Variants in CDH9 observed in about 807,000 individuals in gnomAD.
The protein encoded by CDH9 is cadherin 9, also known as cadherin-9.
Under a neutral mutation model 70.9 loss-of-function variants are expected in CDH9, and 28 were observed. The ratio of observed to expected loss-of-function variants is 0.40; its 90% CI spans 0.29 to 0.54. The LOEUF is 0.54. Among genes scored for constraint, CDH9 ranks in the 20% least tolerant of loss-of-function variants. The probability of loss-of-function intolerance (pLI) is 0.59; values close to 1 mark genes in which losing one functional copy is unlikely to be tolerated. For missense variants in CDH9, 874 were observed against 984.4 expected (o/e 0.89, Z 1.50); for synonymous variants, 409 against 343.1 (o/e 1.19, Z -2.12).
At chr5:26,911,710 A>T (rs1161838143) in intron 3 of CDH9, among the ~76,000 whole-genome samples, 1 of 152,190 alleles carries the variant, frequency 6.6e-6, no homozygotes, top group Non-Finnish European at 1.5e-5. Context: ...GAAAATACAA[A>T]ACATTGTAAT....
At chr5:26,885,909 T>C (rs777725498) in intron 10 of CDH9, 44 bp from the exon 11 acceptor site, 3 of 1,603,528 alleles carry the variant, frequency 1.9e-6, no homozygotes, top group Non-Finnish European at 2.6e-6. Flanking sequence ...TTCATATTTG[T>C]TTTTAACTGT....
rs766973787 is a variant in CDH9, at chr5:26,952,458, CAAAAAAAAAAAAAAAA to C, written c.228+35632_228+35647del. Among the ~76,000 whole-genome samples, 3 of 9,966 alleles carry C rather than the reference CAAAAAAAAAAAAAAAA, an allele frequency of 3.0e-4. No individual in the cohort carries two copies. The Admixed American group carries it at 5.5e-3, about 18-fold the overall frequency. The allele number at this position is 9,966 out of a possible 152,430, so 6.5% of individuals were successfully genotyped here. ...TGAAACCCCGTCTCTACTAAAAATA[CAAAAAAAAAAAAAAAA>C]AAAAAAAAAAAAAAGCCGGGCGTGG... On this transcript the variant is annotated intron_variant, in intron 2 of 11. Transcript: ENST00000231021.
intron 3 of CDH9, among the ~76,000 whole-genome samples, chr5:26,909,548 T>TA (rs1301814114): frequency 6.7e-6 from 1 of 150,330 alleles, no homozygotes; most frequent in Non-Finnish European, 1.5e-5. Flanking sequence ...TTTTTTTTTT[T>TA]ATTATACTTT....
intron 1 of CDH9, among the ~76,000 whole-genome samples, chr5:27,017,040 A>G (rs1042604484): frequency 6.6e-6 from 1 of 151,784 alleles, no homozygotes; most frequent in Non-Finnish European, 1.5e-5. Context: ...TGTTCTTTCT[A>G]TTCTTCTTTC....
chr5:26,975,885 T>G (rs1742296526), intron 2 of CDH9, among the ~76,000 whole-genome samples: 2 of 152,280 alleles, frequency 1.3e-5, no homozygotes, highest in Non-Finnish European at 2.9e-5. Context: ...AATATTATTG[T>G]GCTGAGGAGA....
At chr5:26,931,172 T>C (rs1303129155) in intron 2 of CDH9, among the ~76,000 whole-genome samples, 1 of 152,104 alleles carries the variant, frequency 6.6e-6, no homozygotes, top group Non-Finnish European at 1.5e-5. Context: ...ATACATTCCC[T>C]CTAGCATTCT....
intron 2 of CDH9, among the ~76,000 whole-genome samples, chr5:26,963,956 G>A (rs982749990): frequency 6.6e-6 from 1 of 152,046 alleles, no homozygotes; most frequent in Admixed American, 6.6e-5. Flanking sequence ...CTAACTTAAA[G>A]AGCTTTTACC....
At chr5:26,892,442 A>G (rs549614891) in intron 7 of CDH9, among the ~76,000 whole-genome samples, 1 of 152,310 alleles carries the variant, frequency 6.6e-6, no homozygotes, top group South Asian at 2.1e-4. Context: ...TTTATATAGC[A>G]GTTTTAGGCT....
intron 2 of CDH9, among the ~76,000 whole-genome samples, chr5:26,940,839 T>TA (rs1741648062): frequency 6.6e-6 from 1 of 152,204 alleles, no homozygotes; most frequent in South Asian, 2.1e-4. Flanking sequence ...AATTTGTATT[T>TA]AAAAAACCAA....
intron 7 of CDH9, among the ~76,000 whole-genome samples, chr5:26,901,034 G>T (rs1740845977): frequency 6.6e-6 from 1 of 151,890 alleles, no homozygotes; most frequent in African/African-American, 2.4e-5. Flanking sequence ...CATTGCTTTG[G>T]ATATGAACAC....
At chr5:26,979,972 A>G (rs924129826) in intron 2 of CDH9, among the ~76,000 whole-genome samples, 3 of 151,874 alleles carry the variant, frequency 2.0e-5, no homozygotes, top group African/African-American at 7.2e-5. Flanking sequence ...ATATGGAGAC[A>G]CAAAATATGG....
intron 2 of CDH9, among the ~76,000 whole-genome samples, chr5:26,959,816 G>A (rs1387088697): frequency 6.6e-6 from 1 of 151,926 alleles, no homozygotes; most frequent in African/African-American, 2.4e-5. Context: ...TCCAGAATAG[G>A]TAAATACATT....
chr5:26,939,734 T>C (rs1050687905), intron 2 of CDH9, among the ~76,000 whole-genome samples: 18 of 152,168 alleles, frequency 1.2e-4, no homozygotes, highest in Non-Finnish European at 1.5e-4. Context: ...TATGAAGATG[T>C]TTATCCTAAT....
At chr5:26,897,573 G>A (rs991089931) in intron 7 of CDH9, among the ~76,000 whole-genome samples, 3 of 152,050 alleles carry the variant, frequency 2.0e-5, no homozygotes, top group Admixed American at 6.6e-5. Flanking sequence ...AAAACCACAT[G>A]ATTATCTCAA....
chr5:27,038,337 G>C (rs1362848752), intron 1 of CDH9, 126 bp downstream of exon 1: 1 of 151,810 alleles, frequency 6.6e-6, no homozygotes, highest in Non-Finnish European at 1.5e-5. Flanking sequence ...GTGCTTCCAA[G>C]TGTTGAGAGA....
chr5:26,996,704 T>A (rs1289736007), intron 1 of CDH9, among the ~76,000 whole-genome samples: 2 of 151,680 alleles, frequency 1.3e-5, no homozygotes, highest in East Asian at 3.9e-4. Context: ...ACATATTTAA[T>A]CACTAGTTTG....
chr5:26,910,667 C>T (rs772981576), intron 3 of CDH9, among the ~76,000 whole-genome samples: 10 of 152,094 alleles, frequency 6.6e-5, no homozygotes, highest in Admixed American at 2.6e-4. Context: ...CTTTTTCCTG[C>T]CCTGTAGCCT....
Position 26,915,532 on chromosome 5 carries a change from T to C in CDH9, c.523+98A>G, listed in dbSNP as rs574109427. 4.8e-4 allele frequency: 339 copies of C among 713,482 alleles called. 1 individual carries two copies. In the African/African-American group the frequency reaches 5.5e-3, roughly 12 times the overall value. 44.2% of individuals were successfully genotyped at this position (713,482 alleles called of 1,614,324 possible). A position where few individuals can be genotyped will look rare whatever the true frequency, so the allele number is the denominator to read the frequency against. On this transcript the variant is annotated intron_variant, in intron 3 of 11. Coordinates refer to ENST00000231021, the MANE Select transcript of CDH9 (RefSeq NM_016279.4). ...TAGTAGTTAACAGTTATAACTCTTA[T>C]TCTGAAAGAGGCCACATATCATAAC...
intron 7 of CDH9, among the ~76,000 whole-genome samples, chr5:26,897,580 TC>T (rs1446855777): frequency 1.4e-4 from 21 of 152,106 alleles, no homozygotes; most frequent in African/African-American, 5.1e-4. Flanking sequence ...CATGATTATC[TC>T]AATAGATGAA....
Sources: gnomAD v4.1 joint callset for allele counts (sites outside exome capture counted in the v4.1 genomes callset) on GRCh38, gnomAD v4.1.1 for gene constraint, MANE v1.5 for transcripts, NCBI Gene and HGNC (gene_info 2026-07-23, HGNC 2026-07-21) for gene names.